Variants in PACS1 observed in about 807,000 individuals in gnomAD.
The protein encoded by PACS1 is phosphofurin acidic cluster sorting protein 1.
PACS1 carries 24 observed loss-of-function variants against 115.0 expected under a neutral mutation model. The ratio of observed to expected loss-of-function variants is 0.21; its 90% CI spans 0.15 to 0.29. The LOEUF is 0.29. Among genes scored for constraint, PACS1 ranks in the 10% least tolerant of loss-of-function variants. The pLI, the probability that PACS1 is intolerant of heterozygous loss-of-function variation, is 1.00. For synonymous variants in PACS1, 453 were observed against 504.5 expected (o/e 0.90, Z 1.37); for missense variants, 838 against 1,251.2 (o/e 0.67, Z 4.98).
chr11:66,210,227 G>A (rs987365524), intron 2 of PACS1, 135 bp from the exon 3 acceptor site: 29 of 645,522 alleles, frequency 4.5e-5, no homozygotes, highest in Non-Finnish European at 6.7e-5. Flanking sequence ...AGAAACAGGA[G>A]TCTCACTATG....
At chr11:66,240,088 C>T (rs1409907971) in intron 21 of PACS1, among the ~76,000 whole-genome samples, 4 of 152,228 alleles carry the variant, frequency 2.6e-5, no homozygotes, top group African/African-American at 7.2e-5. Context: ...AAACAATCCA[C>T]GTCTCTAAAA....
chr11:66,159,159 C>T (rs533058644), intron 1 of PACS1, among the ~76,000 whole-genome samples: 34 of 152,274 alleles, frequency 2.2e-4, no homozygotes, highest in African/African-American at 7.9e-4. Flanking sequence ...GGGTCTCGGC[C>T]GGGCGTGGTG....
intron 1 of PACS1, among the ~76,000 whole-genome samples, chr11:66,177,562 T>A (rs1859895823): frequency 6.6e-6 from 1 of 152,210 alleles, no homozygotes; most frequent in Non-Finnish European, 1.5e-5. Flanking sequence ...TTGCTGCACC[T>A]ACTCTATCCT....
At chr11:66,186,277 TA>T (rs1299093280) in intron 1 of PACS1, among the ~76,000 whole-genome samples, 504 of 139,026 alleles carry the variant, frequency 3.6e-3, no homozygotes, top group Non-Finnish European at 3.6e-3. Flanking sequence ...CCCTGTCTCT[TA>T]AAAAAAAAAA....
At position 66,070,437 on chromosome 11, in the gene PACS1, G is replaced by T. The variant is rs1857286535; in HGVS notation, c.-50G>T. The stretch of plus-strand genomic sequence containing the variant: ...CGCCGCCGCCGCGGGGGAAGCCTGG[G>T]AGCCAGATCGGCGTCGCCTCGGCCT... On this transcript the variant is annotated 5_prime_UTR_variant, in exon 1 of 24. Coordinates refer to ENST00000320580, the MANE Select transcript of PACS1 (RefSeq NM_018026.4). The surrounding 1 kb of genome is among the most constrained non-coding windows in gnomAD (Gnocchi z 5.9). The T allele has an allele frequency of 8.9e-7, 1 of 1,118,986 alleles. No individual in the cohort carries two copies. Among genetic ancestry groups the T allele is most frequent in the Non-Finnish European group, 1.1e-6 (1 of 888,718 alleles). The allele number at this position is 1,118,986 out of a possible 1,614,324, so 69.3% of individuals were successfully genotyped here.
At chr11:66,157,728 C>G (rs1055098934) in intron 1 of PACS1, among the ~76,000 whole-genome samples, 1 of 151,868 alleles carries the variant, frequency 6.6e-6, no homozygotes, top group Non-Finnish European at 1.5e-5. Flanking sequence ...CTCTGCCCAC[C>G]AAGACATTGA....
At chr11:66,082,744 A>G (rs567538503) in intron 1 of PACS1, among the ~76,000 whole-genome samples, 99 of 152,130 alleles carry the variant, frequency 6.5e-4, no homozygotes, top group Non-Finnish European at 3.4e-4. Context: ...AATCTCAGCT[A>G]CTTGGGAGGC....
chr11:66,214,620 C>CTTTTTTTTTTTTTTT (rs578031707), intron 4 of PACS1, among the ~76,000 whole-genome samples: 1 of 115,348 alleles, frequency 8.7e-6, no homozygotes, highest in Non-Finnish European at 1.7e-5. Flanking sequence ...TTTTTCTTTT[C>CTTTTTTTTTTTTTTT]TTTTTTTTTT....
intron 4 of PACS1, 130 bp downstream of exon 4, chr11:66,211,389 G>A (rs2134700570): frequency 7.0e-6 from 6 of 860,792 alleles, no homozygotes; most frequent in Non-Finnish European, 1.0e-5. Flanking sequence ...TCTGTTTTAC[G>A]AGTTAATTAT....
intron 1 of PACS1, among the ~76,000 whole-genome samples, chr11:66,105,085 A>C (rs1858004352): frequency 6.6e-6 from 1 of 152,214 alleles, no homozygotes; most frequent in African/African-American, 2.4e-5. Context: ...AAAAGTTCAG[A>C]AAATTGTTTC....
intron 2 of PACS1, among the ~76,000 whole-genome samples, chr11:66,208,138 C>G (rs757102486): frequency 6.6e-5 from 10 of 152,046 alleles, no homozygotes; most frequent in Non-Finnish European, 1.5e-4. Flanking sequence ...AATGACATAA[C>G]CATCAGGGCT....
intron 2 of PACS1, among the ~76,000 whole-genome samples, chr11:66,196,614 C>CT (rs1361562902): frequency 4.0e-5 from 6 of 151,414 alleles, no homozygotes; most frequent in East Asian, 1.9e-4. Context: ...AAAATTTGAC[C>CT]TTTTTTTTTG....
chr11:66,195,227 C>T (rs1476526440), intron 2 of PACS1, among the ~76,000 whole-genome samples: 2 of 152,138 alleles, frequency 1.3e-5, no homozygotes, highest in Non-Finnish European at 2.9e-5. Context: ...ACAACAACAA[C>T]AAAAACTTAA....
intron 1 of PACS1, among the ~76,000 whole-genome samples, chr11:66,089,503 T>G (rs920027662): frequency 3.3e-5 from 5 of 152,238 alleles, no homozygotes; most frequent in South Asian, 2.1e-4. Context: ...CCTGGTAGAG[T>G]GGATTGAACG....
chr11:66,125,455 A>G (rs1374550388), intron 1 of PACS1, among the ~76,000 whole-genome samples: 1 of 152,252 alleles, frequency 6.6e-6, no homozygotes, highest in Non-Finnish European at 1.5e-5. Context: ...TAAAGAAGAT[A>G]TAAACCAAGT....
Position 66,129,455 on chromosome 11 carries a change from ATATTATTAT to A in PACS1, c.356+58640_356+58648del, listed in dbSNP as rs71455707. On this transcript the variant is annotated intron_variant, in intron 1 of 23. Coordinates refer to ENST00000320580, the MANE Select transcript of PACS1 (RefSeq NM_018026.4). ...TCAAAAAAAAAAAAGGGTTTAAAAA[ATATTATTAT>A]TATTATTATTATTATTATTATTATT... Among the ~76,000 whole-genome samples the A allele has an allele frequency of 2.2e-3, 309 of 140,388 alleles. 5 individuals carry two copies. Among genetic ancestry groups the A allele is most frequent in the Non-Finnish European group, 2.4e-3 (160 of 66,006 alleles). The allele number at this position is 140,388 out of a possible 152,430, so 92.1% of individuals were successfully genotyped here.
chr11:66,100,119 A>G (rs1382876395), intron 1 of PACS1, among the ~76,000 whole-genome samples: 1 of 150,944 alleles, frequency 6.6e-6, no homozygotes, highest in Non-Finnish European at 1.5e-5. Flanking sequence ...ACCTCAGGTG[A>G]TCTGCCCGCC....
intron 1 of PACS1, among the ~76,000 whole-genome samples, chr11:66,192,790 G>C (rs1038095034): frequency 1.3e-5 from 2 of 152,302 alleles, no homozygotes; most frequent in South Asian, 4.1e-4. Flanking sequence ...GTAAGGCCAA[G>C]GTAAAGTCAG....
At chr11:66,127,950 T>C (rs1445001520) in intron 1 of PACS1, among the ~76,000 whole-genome samples, 2 of 152,250 alleles carry the variant, frequency 1.3e-5, no homozygotes, top group East Asian at 3.8e-4. Flanking sequence ...GATCTTACTG[T>C]GTATTTATAG....
Sources: allele counts gnomAD v4.1 joint callset (sites outside exome capture counted in the v4.1 genomes callset), GRCh38; gene constraint gnomAD v4.1.1; non-coding constraint Gnocchi (gnomAD v3.1); transcripts MANE v1.5; gene names NCBI Gene and HGNC (gene_info 2026-07-23, HGNC 2026-07-21).